Variants in CNTN1 observed in about 807,000 individuals in gnomAD.
The protein encoded by CNTN1 is contactin-1.
CNTN1 carries 38 observed loss-of-function variants against 126.4 expected under a neutral mutation model. The observed-to-expected ratio is 0.30, with a 90% CI of 0.23 to 0.39. The LOEUF (loss-of-function observed/expected upper bound fraction) is 0.39. CNTN1 is among the 10% of genes least tolerant of loss of function. CNTN1 has a pLI of 1.00. For missense variants in CNTN1, 1,009 were observed against 1,248.4 expected, an observed-to-expected ratio of 0.81 and a Z score of 2.89; for synonymous variants, 413 against 422.6, an observed-to-expected ratio of 0.98 and a Z score of 0.28.
chr12:40,971,292 G>C, intron 15 of CNTN1: 1 of 664,574 alleles, frequency 1.5e-6, no homozygotes, highest in Non-Finnish European at 2.5e-6. Context: ...CCCGTCCTCA[G>C]TGTGTAGGGG....
chr12:40,806,359 G>A (rs956929977), intron 1 of CNTN1, among the ~76,000 whole-genome samples: 2 of 152,240 alleles, frequency 1.3e-5, no homozygotes, highest in African/African-American at 4.8e-5. Context: ...AGAGAGAAGT[G>A]TGGTTTTATT....
intron 1 of CNTN1, among the ~76,000 whole-genome samples, chr12:40,746,773 G>A (rs1020746109): frequency 6.6e-6 from 1 of 151,990 alleles, no homozygotes; most frequent in Non-Finnish European, 1.5e-5. Flanking sequence ...CCGGTGGAAT[G>A]CCCGCGGAAG....
chr12:40,867,967 T>C (rs1056414362), intron 1 of CNTN1, among the ~76,000 whole-genome samples: 1 of 151,654 alleles, frequency 6.6e-6, no homozygotes, highest in Admixed American at 6.6e-5. Context: ...GAAACACCAC[T>C]GGATTACATC....
intron 23 of CNTN1, among the ~76,000 whole-genome samples, chr12:41,042,830 C>G (rs1949447447): frequency 6.6e-6 from 1 of 151,982 alleles, no homozygotes; most frequent in Admixed American, 6.6e-5. Flanking sequence ...GAACAGAGCC[C>G]TCAGAAATAA....
At chr12:40,814,895 C>T (rs961874211) in intron 1 of CNTN1, among the ~76,000 whole-genome samples, 2 of 151,954 alleles carry the variant, frequency 1.3e-5, no homozygotes, top group Non-Finnish European at 2.9e-5. Context: ...TGTAGCTGTC[C>T]TCGAAAAGGT....
At position 41,043,925 on chromosome 12, in the gene CNTN1, C is replaced by T. The variant is rs1592452522; in HGVS notation, c.2980+14706C>T. Among the ~76,000 whole-genome samples the T allele has an allele frequency of 2.8e-5, 4 of 141,588 alleles. No homozygotes were observed. In the South Asian group the frequency reaches 9.1e-4, roughly 32 times the overall value. The allele number at this position is 141,588 out of a possible 152,430, so 92.9% of individuals were successfully genotyped here. On this transcript the variant is annotated intron_variant, in intron 23 of 23. Transcript: ENST00000551295. ...CAAAAAACCAAACACCGCATGTTCT[C>T]ACTCATAGGTGGGAATTGAACAATG...
chr12:40,895,156 T>A (rs187423523), intron 1 of CNTN1, among the ~76,000 whole-genome samples: 38 of 152,312 alleles, frequency 2.5e-4, no homozygotes, highest in Admixed American at 1.2e-3. Context: ...TAGTCCATTT[T>A]TATACTACTT....
chr12:40,869,052 A>T (rs60903555), intron 1 of CNTN1, among the ~76,000 whole-genome samples: 3,426 of 151,904 alleles, frequency 0.023, 132 homozygotes, highest in African/African-American at 0.078. Context: ...TTGAAAAAAA[A>T]TTTTATGATT....
At chr12:40,718,997 G>A (rs917652827) in intron 1 of CNTN1, among the ~76,000 whole-genome samples, 6 of 152,052 alleles carry the variant, frequency 3.9e-5, no homozygotes, top group Non-Finnish European at 8.8e-5. Context: ...GATGTTTGGA[G>A]GGGTTGATTT....
intron 1 of CNTN1, among the ~76,000 whole-genome samples, chr12:40,819,817 T>TC (rs1333992777): frequency 6.6e-6 from 1 of 152,174 alleles, no homozygotes; most frequent in Non-Finnish European, 1.5e-5. Flanking sequence ...AGTAGGATCT[T>TC]CCGATCCGTG....
At chr12:40,743,112 A>T (rs1466985426) in intron 1 of CNTN1, among the ~76,000 whole-genome samples, 3 of 152,048 alleles carry the variant, frequency 2.0e-5, no homozygotes, top group Non-Finnish European at 2.9e-5. Context: ...GTTGTGAAGG[A>T]TGTCTAGGGA....
In CNTN1 at chr12:40,893,945, T is replaced by G. The variant is rs374943120; in HGVS notation, c.-76-14412T>G. On this transcript the variant is annotated intron_variant, in intron 1 of 23. Coordinates refer to ENST00000551295, the MANE Select transcript of CNTN1 (RefSeq NM_001843.4). ...AAAACTAAATTATTGGTCAACTCAC[T>G]TTCCCATCAAAACTCAAGTTCCCCT... is the stretch of plus-strand genomic sequence containing the variant. Among the ~76,000 whole-genome samples the G allele has an allele frequency of 2.6e-5, 4 of 152,248 alleles. No homozygotes were observed. In the East Asian group the frequency reaches 5.8e-4, roughly 22 times the overall value.
intron 1 of CNTN1, among the ~76,000 whole-genome samples, chr12:40,877,047 T>C (rs1316147128): frequency 6.6e-6 from 1 of 152,192 alleles, no homozygotes; most frequent in Non-Finnish European, 1.5e-5. Flanking sequence ...AAGAACTGAA[T>C]TTCGCCAAAA....
chr12:40,974,002 T>A (rs1024795171), intron 15 of CNTN1, among the ~76,000 whole-genome samples: 5 of 152,198 alleles, frequency 3.3e-5, no homozygotes, highest in African/African-American at 1.2e-4. Context: ...GTTTTCTCAC[T>A]ATCTTTCCTC....
intron 1 of CNTN1, among the ~76,000 whole-genome samples, chr12:40,723,693 T>C (rs774770521): frequency 6.6e-6 from 1 of 152,150 alleles, no homozygotes; most frequent in African/African-American, 2.4e-5. Flanking sequence ...CAGTAAGCAA[T>C]AAGTTACAAA....
intron 17 of CNTN1, among the ~76,000 whole-genome samples, chr12:41,009,112 G>A (rs933931363): frequency 6.6e-6 from 1 of 152,162 alleles, no homozygotes; most frequent in African/African-American, 2.4e-5. Flanking sequence ...TTCTAGGGGA[G>A]TTTCCCTGAG....
intron 16 of CNTN1, among the ~76,000 whole-genome samples, chr12:40,992,854 G>A (rs999030270): frequency 2.0e-5 from 3 of 152,170 alleles, no homozygotes; most frequent in Non-Finnish European, 4.4e-5. Context: ...CTGGAGGCTT[G>A]TTAGACATGC....
intron 14 of CNTN1, among the ~76,000 whole-genome samples, chr12:40,947,555 T>C (rs188555080): frequency 4.6e-4 from 70 of 152,002 alleles, no homozygotes; most frequent in Admixed American, 3.2e-3. Context: ...TAAGACAATC[T>C]ATCAAAAATA....
At chr12:41,048,782 G>T (rs187553013) in intron 23 of CNTN1, among the ~76,000 whole-genome samples, 1 of 151,992 alleles carries the variant, frequency 6.6e-6, no homozygotes, top group Non-Finnish European at 1.5e-5. Context: ...AGAAAGAGAA[G>T]GAAGGAAGGA....
Sources: allele counts gnomAD v4.1 joint callset (sites outside exome capture counted in the v4.1 genomes callset), GRCh38; gene constraint gnomAD v4.1.1; transcripts MANE v1.5; gene names NCBI Gene and HGNC (gene_info 2026-07-23, HGNC 2026-07-21).